The following SART3 variants were observed in gnomAD, a reference collection of about 807,000 sequenced individuals.
SART3 encodes HIV-1 Tat-interacting protein of 110kDa.
A neutral mutation model predicts 122.3 loss-of-function variants in SART3; 44 were observed. The ratio of observed to expected loss-of-function variants is 0.36; its 90% CI spans 0.28 to 0.46. The LOEUF is 0.46. SART3 is among the 20% of genes least tolerant of loss of function. The pLI is 1.00. For missense variants in SART3, 1,101 were observed against 1,229.0 expected (o/e 0.90, Z 1.56); for synonymous variants, 442 against 454.0 (o/e 0.97, Z 0.34).
chr12:108,539,009 A>C lies in SART3; in HGVS notation c.987T>G (p.Ile329Met). 6.2e-7 allele frequency: 1 copy of C among 1,614,242 alleles called. No homozygotes were observed. Among genetic ancestry groups the C allele is most frequent in the Non-Finnish European group, 8.5e-7 (1 of 1,180,038 alleles). ...FEMKIGDPAR[I>M]QLIFERALVE... ...CCAGGGCGCGCTCAAAGATCAACTGAATGCGAGCAGGATCGCCAATTTTCA... is the reference window on the plus strand; with the variant it reads ...CCAGGGCGCGCTCAAAGATCAACTGCATGCGAGCAGGATCGCCAATTTTCA... Residue 329 changes from isoleucine (I) to methionine (M), a missense_variant, in exon 7 of 19, where the codon ATT (isoleucine) becomes ATG (methionine). Transcript: ENST00000546815.
intron 18 of SART3, 130 bp downstream of exon 18, chr12:108,524,186 C>T: frequency 1.2e-6 from 1 of 854,680 alleles, no homozygotes; most frequent in Non-Finnish European, 2.0e-6. Context: ...GTGATTACCA[C>T]AAGGAACAGC....
chr12:108,535,397 C>T lies in SART3; in HGVS notation c.1518G>A (p.Lys506=). 1 of 1,614,098 alleles carries T rather than the reference C, an allele frequency of 6.2e-7. No homozygotes were observed. Among genetic ancestry groups the T allele is most frequent in the Non-Finnish European group, 8.5e-7 (1 of 1,179,986 alleles). ...WDSIMTRGNA[K]YANMWLEYYN... Reference sequence around the variant, plus strand: ...AATACTCTAGCCACATGTTGGCGTACTTGGCATTTCCTCTGGTCATGATGC... The same window carrying T: ...AATACTCTAGCCACATGTTGGCGTATTTGGCATTTCCTCTGGTCATGATGC... Residue 506 remains lysine, a synonymous_variant, in exon 12 of 19, where the codon AAG becomes AAA. Transcript: ENST00000546815.
intron 13 of SART3, chr12:108,531,761 AC>A: frequency 3.7e-6 from 1 of 272,828 alleles, no homozygotes; most frequent in East Asian, 9.4e-5. Context: ...GATGCAAAGG[AC>A]ACATTGAGCC....
chr12:108,539,476 G>A (rs1873063239), intron 6 of SART3, among the ~76,000 whole-genome samples: 1 of 152,176 alleles, frequency 6.6e-6, no homozygotes, highest in South Asian at 2.1e-4. Flanking sequence ...AACCAAACTG[G>A]AAAATTTTGG....
chr12:108,530,184 C>G lies in SART3; in HGVS notation c.1873G>C (p.Ala625Pro), dbSNP rs34105009. Residue 625 changes from alanine (A) to proline (P), a missense_variant, in exon 15 of 19, where the codon GCA (alanine) becomes CCA (proline). Coordinates refer to ENST00000546815, the MANE Select transcript of SART3 (RefSeq NM_014706.4). ...KKIRGPEKRGADEDDEKEWGD... is the reference protein window; with the variant it reads ...KKIRGPEKRGPDEDDEKEWGD... Reference sequence around the variant, plus strand: ...CACTCTTTCTCATCATCCTCATCTGCTCCGCGCTTCTCTGGGCCTCTGATC... The same window carrying G: ...CACTCTTTCTCATCATCCTCATCTGGTCCGCGCTTCTCTGGGCCTCTGATC... 10 of 1,614,198 alleles carry G rather than the reference C, an allele frequency of 6.2e-6. No homozygotes were observed. Among genetic ancestry groups the G allele is most frequent in the African/African-American group, 1.3e-5 (1 of 75,070 alleles).
rs1380961442 is a variant in SART3, at chr12:108,523,488, G to A, written c.2861C>T (p.Ala954Val). 1 of 1,612,820 alleles carries A rather than the reference G, an allele frequency of 6.2e-7. No individual in the cohort carries two copies. The highest frequency in any genetic ancestry group is 8.5e-7 in the Non-Finnish European group (1 of 1,180,010). The change falls in exon 19 of 19, where the codon GCC becomes GTC. Residue 954 changes from alanine to valine, a missense_variant. Physicochemically the swap from Ala to Val is moderately conservative, Grantham distance 64. Transcript: ENST00000546815. ...TCTCAGAAACAGCTTGGCAAAATCG[G>A]CATTGGACATCTTGGGTGCCTCGGT... ...AATEAPKMSN[A>V]DFAKLFLRK
intron 18 of SART3, 148 bp downstream of exon 18, chr12:108,524,168 G>A: frequency 3.8e-6 from 3 of 789,792 alleles, no homozygotes; most frequent in Non-Finnish European, 4.4e-6. Flanking sequence ...TGCTCCAGTG[G>A]AACCACAGTG....
chr12:108,558,097 AG>A (rs1469645543), intron 1 of SART3, among the ~76,000 whole-genome samples: 1 of 152,118 alleles, frequency 6.6e-6, no homozygotes, highest in African/African-American at 2.4e-5. Flanking sequence ...TGAGCCTGGG[AG>A]GTCCTAGCTG....
At chr12:108,557,835 T>TA (rs1382469096) in intron 1 of SART3, among the ~76,000 whole-genome samples, 1 of 152,162 alleles carries the variant, frequency 6.6e-6, no homozygotes, top group Admixed American at 6.5e-5. Context: ...TTGCTTTTGT[T>TA]AGACAGATAC....
At position 108,545,338 on chromosome 12, in the gene SART3, T is replaced by G; in HGVS notation, c.545-15A>C. 2.5e-6 allele frequency: 4 copies of G among 1,613,640 alleles called. No homozygotes were observed. Among genetic ancestry groups the G allele is most frequent in the Non-Finnish European group, 3.4e-6 (4 of 1,179,538 alleles). ...AATGTTAGGACCTAAAAATAAGAAG[T>G]GTTCAATTAGTTTGGGATATAAAAT... On this transcript the variant is annotated splice_polypyrimidine_tract_variant and intron_variant, in intron 3 of 18. Coordinates refer to ENST00000546815, the MANE Select transcript of SART3 (RefSeq NM_014706.4).
In SART3 at chr12:108,543,155, A is replaced by G. The variant is rs766893166; in HGVS notation, c.782-3T>C. The stretch of plus-strand genomic sequence containing the variant: ...CTCTGCAAATGTGGCCTCCATATCT[A>G]TTGAAAGATGGATTCAGCCCCGTGG... On this transcript the variant is annotated splice_region_variant and splice_polypyrimidine_tract_variant and intron_variant, in intron 5 of 18. Coordinates refer to ENST00000546815, the MANE Select transcript of SART3 (RefSeq NM_014706.4). 2.3e-5 allele frequency: 37 copies of G among 1,613,956 alleles called. No homozygotes were observed. The highest frequency in any genetic ancestry group is 1.1e-4 in the African/African-American group (8 of 74,916).
chr12:108,558,936 G>A (rs939244412), intron 1 of SART3, among the ~76,000 whole-genome samples: 1 of 150,838 alleles, frequency 6.6e-6, no homozygotes, highest in Admixed American at 6.6e-5. Flanking sequence ...GGGGGGCTGA[G>A]GCAGGAGAAT....
At chr12:108,538,264 G>A in intron 7 of SART3, 61 bp from the exon 8 acceptor site, 1 of 1,586,712 alleles carries the variant, frequency 6.3e-7, no homozygotes, top group Non-Finnish European at 8.7e-7. Flanking sequence ...CCATCAACAA[G>A]ACATTGCCAG....
At chr12:108,537,115 T>A (rs1032459932) in intron 9 of SART3, 1 of 436,050 alleles carries the variant, frequency 2.3e-6, no homozygotes, top group African/African-American at 2.0e-5. Context: ...AAGTACAAGT[T>A]AGGGGTTTTC....
intron 18 of SART3, 105 bp from the exon 19 acceptor site, chr12:108,523,739 A>T (rs1872238280): frequency 2.1e-6 from 2 of 937,062 alleles, no homozygotes; most frequent in African/African-American, 4.3e-5. Context: ...AGAAGTTAAA[A>T]GGTGAAAAAA....
rs909717789 is a variant in SART3 at position 108,528,311 on chromosome 12, C to T, written c.1916-1758G>A. 4.0e-5 allele frequency among the ~76,000 whole-genome samples: 6 copies of T among 151,400 alleles called. No individual in the cohort carries two copies. The South Asian group carries it at 1.0e-3, about 26-fold the overall frequency. On this transcript the variant is annotated intron_variant, in intron 15 of 18. Transcript: ENST00000546815. Reference sequence around the variant, plus strand: ...CAGCCTGGCTAACATGGTGAAACCCCGTCTCTACTAAAATACAAAAATTAG... The same window carrying T: ...CAGCCTGGCTAACATGGTGAAACCCTGTCTCTACTAAAATACAAAAATTAG...
At chr12:108,536,202 G>A (rs1467027493) in intron 11 of SART3, among the ~76,000 whole-genome samples, 3 of 152,294 alleles carry the variant, frequency 2.0e-5, no homozygotes, top group East Asian at 1.9e-4. Flanking sequence ...AACAGTACAC[G>A]CTCACTGTGC....
intron 2 of SART3, among the ~76,000 whole-genome samples, chr12:108,548,297 T>C (rs949530332): frequency 1.3e-5 from 2 of 152,264 alleles, no homozygotes; most frequent in African/African-American, 4.8e-5. Flanking sequence ...AATAATGACA[T>C]CTATCTAAGG....
At chr12:108,545,967 CAA>C (rs367848748) in intron 3 of SART3, among the ~76,000 whole-genome samples, 5 of 108,960 alleles carry the variant, frequency 4.6e-5, no homozygotes, top group Admixed American at 1.1e-4. Context: ...GACTCTCTCT[CAA>C]AAAAAAAAAA....
Sources: allele counts gnomAD v4.1 joint callset (sites outside exome capture counted in the v4.1 genomes callset), GRCh38; gene constraint gnomAD v4.1.1; transcripts MANE v1.5; gene names NCBI Gene and HGNC (gene_info 2026-07-23, HGNC 2026-07-21).